DPP10: variants seen among roughly 807,000 people sequenced by gnomAD.
DPP10 encodes the protein inactive dipeptidyl peptidase 10.
DPP10 carries 33 observed loss-of-function variants against 120.9 expected under a neutral mutation model. That is an observed-to-expected ratio of 0.27 (90% CI 0.21 to 0.37). The LOEUF (loss-of-function observed/expected upper bound fraction) is 0.37, where lower values mean the gene tolerates loss of function less well. Ranked by LOEUF, DPP10 falls within the 10% of genes least tolerant of loss-of-function variation. DPP10 has a pLI of 1.00. For synonymous variants in DPP10, 337 were observed against 326.1 expected (o/e 1.03, Z -0.36); for missense variants, 816 against 942.8 (o/e 0.87, Z 1.76).
chr2:115,272,388 A>G (rs963003190), intron 1 of DPP10, among the ~76,000 whole-genome samples: 1 of 152,224 alleles, frequency 6.6e-6, no homozygotes, highest in African/African-American at 2.4e-5. Flanking sequence ...ATGAACAGAA[A>G]AACTCTGCAT....
intron 4 of DPP10, among the ~76,000 whole-genome samples, chr2:115,499,893 A>G (rs964650709): frequency 6.6e-6 from 1 of 152,050 alleles, no homozygotes; most frequent in Non-Finnish European, 1.5e-5. Context: ...AACATTAGTC[A>G]TACAAATACC....
intron 3 of DPP10, among the ~76,000 whole-genome samples, chr2:115,472,885 A>G (rs183510800): frequency 1.3e-5 from 2 of 152,334 alleles, no homozygotes; most frequent in African/African-American, 2.4e-5. Flanking sequence ...ACGCTTGACA[A>G]AATTTCTAGA....
intron 1 of DPP10, among the ~76,000 whole-genome samples, chr2:114,821,815 C>T (rs1480685945): frequency 6.6e-6 from 1 of 152,162 alleles, no homozygotes; most frequent in South Asian, 2.1e-4. Flanking sequence ...CTTTTGACTC[C>T]ATGTCTCACT....
At chr2:114,444,756 T>C (rs1242946112) in intron 1 of DPP10, among the ~76,000 whole-genome samples, 6 of 152,160 alleles carry the variant, frequency 3.9e-5, no homozygotes, top group Admixed American at 2.6e-4. Context: ...GAATCAAAGC[T>C]CTGGGTAATT....
chr2:115,193,212 T>G (rs1341775782), intron 1 of DPP10, among the ~76,000 whole-genome samples: 1 of 152,230 alleles, frequency 6.6e-6, no homozygotes, highest in Admixed American at 6.5e-5. Context: ...GCCTTAACTT[T>G]TTGACTTGTT....
intron 5 of DPP10, among the ~76,000 whole-genome samples, chr2:115,635,266 C>T (rs901739584): frequency 6.6e-6 from 1 of 152,170 alleles, no homozygotes; most frequent in African/African-American, 2.4e-5. Context: ...AGGCAGTCTC[C>T]AGCCGAGTAG....
At chr2:114,978,842 T>C (rs1008345121) in intron 1 of DPP10, among the ~76,000 whole-genome samples, 3 of 152,184 alleles carry the variant, frequency 2.0e-5, no homozygotes, top group Non-Finnish European at 4.4e-5. Context: ...TTTTATGTCA[T>C]GCATGCTTGT....
chr2:115,232,744 C>T (rs557505583), intron 1 of DPP10, among the ~76,000 whole-genome samples: 1 of 152,266 alleles, frequency 6.6e-6, no homozygotes, highest in African/African-American at 2.4e-5. Context: ...AATGAATACA[C>T]TTATTTTGAA....
intron 5 of DPP10, among the ~76,000 whole-genome samples, chr2:115,663,015 T>G (rs1000367914): frequency 4.6e-5 from 7 of 152,198 alleles, no homozygotes; most frequent in Non-Finnish European, 1.0e-4. Context: ...TTTTACAATT[T>G]TTGTGGGTAC....
chr2:115,313,904 T>G (rs1002685583), intron 2 of DPP10, among the ~76,000 whole-genome samples: 4 of 152,184 alleles, frequency 2.6e-5, no homozygotes, highest in African/African-American at 9.7e-5. Flanking sequence ...TCTATTGAGT[T>G]TGTTTAAAGA....
At chr2:115,674,264 A>G (rs1263789982) in intron 5 of DPP10, among the ~76,000 whole-genome samples, 1 of 151,682 alleles carries the variant, frequency 6.6e-6, no homozygotes, top group African/African-American at 2.4e-5. Context: ...ATAAATAAAT[A>G]AATAAAGGAG....
intron 1 of DPP10, among the ~76,000 whole-genome samples, chr2:114,870,397 C>A (rs764240740): frequency 1.3e-5 from 2 of 151,248 alleles, no homozygotes; most frequent in Admixed American, 6.6e-5. Context: ...ACAGAACATA[C>A]AACAGTGATT....
intron 1 of DPP10, among the ~76,000 whole-genome samples, chr2:114,985,527 T>C (rs958038693): frequency 4.6e-5 from 7 of 152,176 alleles, no homozygotes; most frequent in African/African-American, 1.4e-4. Context: ...TTGAGCAAAA[T>C]GCCTGGCATG....
chr2:115,485,780 T>C (rs1255999530), intron 3 of DPP10, among the ~76,000 whole-genome samples: 4 of 152,310 alleles, frequency 2.6e-5, no homozygotes, highest in East Asian at 1.9e-4. Context: ...TATGCAATTA[T>C]GTTGAGAACT....
chr2:115,773,533 A>C (rs978698127), intron 13 of DPP10, among the ~76,000 whole-genome samples: 2 of 152,130 alleles, frequency 1.3e-5, no homozygotes, highest in African/African-American at 4.8e-5. Context: ...TTTAAAATAC[A>C]TTGTCATACT....
intron 3 of DPP10, among the ~76,000 whole-genome samples, chr2:115,428,866 A>G (rs775962251): frequency 9.9e-5 from 15 of 152,164 alleles, no homozygotes; most frequent in Non-Finnish European, 1.6e-4. Flanking sequence ...TTCTGTGTCC[A>G]GTTTTTATTG....
At chr2:114,874,414 T>C (rs1283681296) in intron 1 of DPP10, among the ~76,000 whole-genome samples, 1 of 152,074 alleles carries the variant, frequency 6.6e-6, no homozygotes, top group East Asian at 1.9e-4. Flanking sequence ...CAACATCCTA[T>C]CTTGGTGAAG....
intron 1 of DPP10, among the ~76,000 whole-genome samples, chr2:114,741,164 C>T (rs892959383): frequency 6.6e-6 from 1 of 152,162 alleles, no homozygotes; most frequent in Non-Finnish European, 1.5e-5. Flanking sequence ...CCCAGCTGTC[C>T]TTTGTTACAA....
chr2:115,764,981 A>C (rs928117542), intron 12 of DPP10, among the ~76,000 whole-genome samples: 1 of 152,148 alleles, frequency 6.6e-6, no homozygotes, highest in African/African-American at 2.4e-5. Flanking sequence ...ACCAGTGTGT[A>C]ATATATTTGG....
Sources: gnomAD v4.1 joint callset for allele counts (sites outside exome capture counted in the v4.1 genomes callset) on GRCh38, gnomAD v4.1.1 for gene constraint, MANE v1.5 for transcripts, NCBI Gene and HGNC (gene_info 2026-07-23, HGNC 2026-07-21) for gene names.